NBEAL1: variants seen among roughly 807,000 people sequenced by gnomAD.
The protein encoded by NBEAL1 is neurobeachin-like protein 1.
NBEAL1 carries 273 observed loss-of-function variants against 351.3 expected under a neutral mutation model. That is an observed-to-expected ratio of 0.78 (90% CI 0.70 to 0.86). The LOEUF (loss-of-function observed/expected upper bound fraction) is 0.86. NBEAL1 is among the 40% of genes least tolerant of loss of function. The pLI is 0.00. For missense variants in NBEAL1, 2,961 were observed against 3,201.3 expected (o/e 0.92, Z 1.81); for synonymous variants, 1,050 against 1,086.4 (o/e 0.97, Z 0.66).
In NBEAL1 at chr2:203,218,609, T is replaced by C. The variant is rs1236399249; in HGVS notation, c.*1255T>C. ...TAAAGGGATCTGTTTCCAGTAATAG[T>C]ATTCTTTTTTGTTCCACAAATCATA... On this transcript the variant is annotated 3_prime_UTR_variant, in exon 56 of 56. Transcript: ENST00000683969. 1 of 152,200 alleles carries C rather than the reference T, an allele frequency of 6.6e-6. No homozygotes were observed. The highest frequency in any genetic ancestry group is 6.5e-5 in the Admixed American group (1 of 15,276). 9.4% of individuals were successfully genotyped at this position (152,200 alleles called of 1,614,324 possible).
At chr2:203,160,361 G>C (rs182766613) in intron 36 of NBEAL1, among the ~76,000 whole-genome samples, 1 of 152,146 alleles carries the variant, frequency 6.6e-6, no homozygotes, top group Non-Finnish European at 1.5e-5. Flanking sequence ...GATTACAGGC[G>C]TGAGCCACCA....
At chr2:203,058,176 A>C in intron 6 of NBEAL1, among the ~76,000 whole-genome samples, 1 of 152,044 alleles carries the variant, frequency 6.6e-6, no homozygotes, top group East Asian at 1.9e-4. Context: ...TCAGGATCCC[A>C]TAAGGAAAAC....
At chr2:203,143,855 T>A (rs893844354) in intron 31 of NBEAL1, among the ~76,000 whole-genome samples, 50 of 152,218 alleles carry the variant, frequency 3.3e-4, no homozygotes, top group African/African-American at 1.2e-3. Flanking sequence ...CTATCCAATA[T>A]AATAAAGATA....
chr2:203,203,837 A>G (rs1296435166), intron 51 of NBEAL1, among the ~76,000 whole-genome samples: 1 of 152,076 alleles, frequency 6.6e-6, no homozygotes, highest in Non-Finnish European at 1.5e-5. Context: ...TTAAAGTGTA[A>G]TGTTCTCAGA....
At chr2:203,197,833 C>T (rs912805304) in intron 48 of NBEAL1, among the ~76,000 whole-genome samples, 1 of 151,908 alleles carries the variant, frequency 6.6e-6, no homozygotes, top group African/African-American at 2.4e-5. Context: ...CACTTGAATC[C>T]AGGAGGTGGA....
intron 51 of NBEAL1, among the ~76,000 whole-genome samples, chr2:203,206,752 A>G (rs1265362736): frequency 3.3e-5 from 5 of 152,008 alleles, no homozygotes; most frequent in Admixed American, 2.0e-4. Flanking sequence ...GTGCAGTGGC[A>G]TGATCTCGGC....
At position 203,070,256 on chromosome 2, in the gene NBEAL1, A is replaced by G. The variant is rs141290537; in HGVS notation, c.598+1781A>G. 3.2e-3 allele frequency among the ~76,000 whole-genome samples: 493 copies of G among 151,808 alleles called. 1 individual carries two copies. The highest frequency in any genetic ancestry group is 0.011 in the African/African-American group (474 of 41,436). On this transcript the variant is annotated intron_variant, in intron 7 of 55. Transcript: ENST00000683969. ...AGGTGCTTGTTAATTGGCAAAATACATAGATTGATTTTCAAATATTAAACT... is the reference window on the plus strand; with the variant it reads ...AGGTGCTTGTTAATTGGCAAAATACGTAGATTGATTTTCAAATATTAAACT...
intron 35 of NBEAL1, among the ~76,000 whole-genome samples, 153 bp from the exon 36 acceptor site, chr2:203,157,545 GA>G (rs2063828373): frequency 6.6e-6 from 1 of 152,036 alleles, no homozygotes; most frequent in African/African-American, 2.4e-5. Flanking sequence ...CATCAAACGT[GA>G]AGGATTACTC....
At chr2:203,111,171 A>C (rs1331472452) in intron 15 of NBEAL1, among the ~76,000 whole-genome samples, 1 of 152,082 alleles carries the variant, frequency 6.6e-6, no homozygotes, top group Non-Finnish European at 1.5e-5. Flanking sequence ...TCTCTACAAA[A>C]AATTGAAAAA....
Position 203,213,471 on chromosome 2 carries a change from A to G in NBEAL1, c.7935-47A>G, listed in dbSNP as rs754966926. ...TCCAGATATAAAATTCTGTGAATTCATTATAAATCCGTGTAATTATGTCTG... is the reference window on the plus strand; with the variant it reads ...TCCAGATATAAAATTCTGTGAATTCGTTATAAATCCGTGTAATTATGTCTG... On this transcript the variant is annotated intron_variant, in intron 54 of 55. Coordinates refer to ENST00000683969, the MANE Select transcript of NBEAL1 (RefSeq NM_001378026.1). 15 of 1,489,622 alleles carry G rather than the reference A, an allele frequency of 1.0e-5. No homozygotes were observed. The South Asian group carries it at 1.7e-4, about 17-fold the overall frequency. 92.3% of individuals were successfully genotyped at this position (1,489,622 alleles called of 1,614,324 possible).
At chr2:203,135,182 A>C (rs1372311920) in intron 27 of NBEAL1, among the ~76,000 whole-genome samples, 4 of 152,204 alleles carry the variant, frequency 2.6e-5, no homozygotes, top group Non-Finnish European at 2.9e-5. Context: ...AAAAAAAAAA[A>C]AAACTTAACT....
At chr2:203,108,574 A>AT (rs892722776) in intron 14 of NBEAL1, among the ~76,000 whole-genome samples, 50 of 147,136 alleles carry the variant, frequency 3.4e-4, no homozygotes, top group East Asian at 2.2e-3. Flanking sequence ...AATTTTTTGT[A>AT]TTTTTTTTTT....
At chr2:203,020,264 G>A (rs1280348865) in intron 2 of NBEAL1, among the ~76,000 whole-genome samples, 5 of 152,132 alleles carry the variant, frequency 3.3e-5, no homozygotes, top group Non-Finnish European at 7.4e-5. Flanking sequence ...TTCCTAAAAG[G>A]TTACTTTGTA....
At chr2:203,125,315 C>T (rs2062913627) in intron 19 of NBEAL1, 37 bp from the exon 20 acceptor site, 1 of 1,366,516 alleles carries the variant, frequency 7.3e-7, no homozygotes, top group African/African-American at 1.5e-5. Context: ...AATTGTCCTC[C>T]TTTTATAAGA....
chr2:203,146,742 A>G (rs985665908), intron 33 of NBEAL1, among the ~76,000 whole-genome samples: 1 of 152,138 alleles, frequency 6.6e-6, no homozygotes, highest in African/African-American at 2.4e-5. Context: ...TTAGTGAGCC[A>G]TGATCCCACC....
At chr2:203,073,419 T>A (rs1385363057) in intron 7 of NBEAL1, among the ~76,000 whole-genome samples, 2 of 152,248 alleles carry the variant, frequency 1.3e-5, no homozygotes, top group Admixed American at 6.5e-5. Flanking sequence ...ATGTCTCCTC[T>A]TTCATTCCTG....
At chr2:203,036,876 G>T (rs2061048131) in intron 2 of NBEAL1, among the ~76,000 whole-genome samples, 1 of 149,016 alleles carries the variant, frequency 6.7e-6, no homozygotes, top group African/African-American at 2.4e-5. Flanking sequence ...TGACTGTTTT[G>T]TGTCTTTTGC....
Position 203,200,363 on chromosome 2 carries a change from AT to A in NBEAL1, c.7238+918del, listed in dbSNP as rs529967529. 3.7e-3 allele frequency among the ~76,000 whole-genome samples: 568 copies of A among 152,282 alleles called. 8 individuals carry two copies. Among genetic ancestry groups the A allele is most frequent in the African/African-American group, 0.013 (547 of 41,560 alleles). On this transcript the variant is annotated intron_variant, in intron 49 of 55. Coordinates refer to ENST00000683969, the MANE Select transcript of NBEAL1 (RefSeq NM_001378026.1). ...CCATCTCTACTAAAAATACAAAAAA[AT>A]TAGCCAGGCATGGTGGCAGGCGCCT...
At chr2:203,048,916 T>A (rs1326427227) in intron 3 of NBEAL1, among the ~76,000 whole-genome samples, 1 of 152,012 alleles carries the variant, frequency 6.6e-6, no homozygotes, top group Non-Finnish European at 1.5e-5. Flanking sequence ...TTTATCTCTC[T>A]TCTTTCCTTT....
Sources: gnomAD v4.1 joint callset for allele counts (sites outside exome capture counted in the v4.1 genomes callset) on GRCh38, gnomAD v4.1.1 for gene constraint, MANE v1.5 for transcripts, NCBI Gene and HGNC (gene_info 2026-07-23, HGNC 2026-07-21) for gene names.